Variants in PRKCE observed in about 807,000 individuals in gnomAD.
The protein encoded by PRKCE is protein kinase C epsilon type.
A neutral mutation model predicts 85.4 loss-of-function variants in PRKCE; 16 were observed. That is an observed-to-expected ratio of 0.19 (90% CI 0.13 to 0.28). The LOEUF (loss-of-function observed/expected upper bound fraction) is 0.28. Ranked by LOEUF, PRKCE falls within the 10% of genes least tolerant of loss-of-function variation. PRKCE has a pLI of 1.00. For synonymous variants in PRKCE, 388 were observed against 371.5 expected (o/e 1.04, Z -0.51); for missense variants, 573 against 975.2 (o/e 0.59, Z 5.49).
At chr2:46,002,406 T>C (rs896582461) in intron 7 of PRKCE, among the ~76,000 whole-genome samples, 1 of 152,208 alleles carries the variant, frequency 6.6e-6, no homozygotes, top group African/African-American at 2.4e-5. Context: ...TCTGCAATCT[T>C]CCGCCTAAAT....
chr2:46,043,101 A>G (rs1574314802), intron 10 of PRKCE, among the ~76,000 whole-genome samples: 2 of 87,786 alleles, frequency 2.3e-5, no homozygotes, highest in East Asian at 4.6e-4. Flanking sequence ...CTTCAGAAAA[A>G]CAGTTTTTTT....
Position 46,184,783 on chromosome 2 carries a change from G to C in PRKCE, c.2116G>C (p.Glu706Gln). Residue 706 changes from glutamate (E) to glutamine (Q), a missense_variant, in exon 15 of 15, where the codon GAG (glutamate) becomes CAG (glutamine). Physicochemically the swap from Glu to Gln is conservative, Grantham distance 29. Around this residue, in one of 11 missense-constraint regions of PRKCE, gnomAD observed 45 missense variants for 39.1 expected, o/e 1.15. Coordinates refer to ENST00000306156, the MANE Select transcript of PRKCE (RefSeq NM_005400.3). The surrounding 1 kb of genome is among the most constrained non-coding windows in gnomAD (Gnocchi z 5.0). The part of the protein sequence containing the change: ...NNFDQDFTRE[E>Q]PVLTLVDEAI... Reference sequence around the variant, plus strand: ...TTTTGACCAAGACTTTACCCGGGAAGAGCCGGTACTCACCCTTGTGGACGA... The same window carrying C: ...TTTTGACCAAGACTTTACCCGGGAACAGCCGGTACTCACCCTTGTGGACGA... The C allele has an allele frequency of 6.3e-7, 1 of 1,599,774 alleles. No individual in the cohort carries two copies. The highest frequency in any genetic ancestry group is 1.1e-5 in the South Asian group (1 of 91,090).
chr2:46,126,943 T>G (rs1000028228), intron 11 of PRKCE, among the ~76,000 whole-genome samples: 1 of 152,210 alleles, frequency 6.6e-6, no homozygotes, highest in African/African-American at 2.4e-5. Context: ...GTTAACAGAC[T>G]TGTCCTAGGT....
chr2:46,039,791 G>T (rs1259359191), intron 10 of PRKCE, among the ~76,000 whole-genome samples: 1 of 152,122 alleles, frequency 6.6e-6, no homozygotes, highest in African/African-American at 2.4e-5. Context: ...TTAGACACAG[G>T]CTCAGCCTCT....
At chr2:46,057,972 A>G (rs1666755737) in intron 10 of PRKCE, among the ~76,000 whole-genome samples, 1 of 152,246 alleles carries the variant, frequency 6.6e-6, no homozygotes, top group African/African-American at 2.4e-5. Flanking sequence ...TGCCGGCCAC[A>G]AAGAGAATGC....
chr2:46,048,945 G>A (rs976245460), intron 10 of PRKCE, among the ~76,000 whole-genome samples: 11 of 152,136 alleles, frequency 7.2e-5, no homozygotes, highest in Non-Finnish European at 1.6e-4. Flanking sequence ...AGTTGGCCTG[G>A]AGTGTAGAGA....
At chr2:45,753,126 A>C (rs1262724531) in intron 1 of PRKCE, among the ~76,000 whole-genome samples, 1 of 152,156 alleles carries the variant, frequency 6.6e-6, no homozygotes, top group Non-Finnish European at 1.5e-5. Context: ...TCGTGTGTTT[A>C]ACAGGCTCAG....
chr2:45,860,069 T>C (rs1693020114), intron 2 of PRKCE, among the ~76,000 whole-genome samples: 1 of 152,128 alleles, frequency 6.6e-6, no homozygotes, highest in Non-Finnish European at 1.5e-5. Flanking sequence ...TAAACTAGTA[T>C]CAGTTTGTTT....
intron 1 of PRKCE, among the ~76,000 whole-genome samples, chr2:45,661,088 A>G (rs1200618933): frequency 6.6e-6 from 1 of 152,202 alleles, no homozygotes; most frequent in East Asian, 1.9e-4. Flanking sequence ...GTTTTATGTT[A>G]GTGAAAAGTC....
At chr2:45,837,615 G>T (rs1299333783) in intron 1 of PRKCE, among the ~76,000 whole-genome samples, 1 of 152,178 alleles carries the variant, frequency 6.6e-6, no homozygotes, top group East Asian at 1.9e-4. Context: ...ACAGACATAG[G>T]TGTGAATGGC....
chr2:45,748,467 A>G (rs988789172), intron 1 of PRKCE, among the ~76,000 whole-genome samples: 7 of 152,232 alleles, frequency 4.6e-5, no homozygotes, highest in Admixed American at 3.3e-4. Context: ...ATTTCATTAA[A>G]GAAACGCCTG....
intron 2 of PRKCE, among the ~76,000 whole-genome samples, chr2:45,946,397 G>A (rs1253344682): frequency 2.6e-5 from 4 of 152,360 alleles, no homozygotes; most frequent in Middle Eastern, 3.4e-3. Flanking sequence ...ACCTTGGGAT[G>A]TGCTGGCTCA....
intron 9 of PRKCE, among the ~76,000 whole-genome samples, chr2:46,009,404 C>G (rs556060645): frequency 6.6e-6 from 1 of 152,130 alleles, no homozygotes; most frequent in South Asian, 2.1e-4. Context: ...ATAATTTACA[C>G]GAAAAGAAAT....
chr2:45,657,682 C>G (rs949588787), intron 1 of PRKCE, among the ~76,000 whole-genome samples: 3 of 152,162 alleles, frequency 2.0e-5, no homozygotes, highest in Non-Finnish European at 4.4e-5. Flanking sequence ...CTAGAAGTGT[C>G]ATTTCTGGTT....
chr2:46,027,889 G>A (rs1461194104), intron 10 of PRKCE, among the ~76,000 whole-genome samples: 3 of 152,100 alleles, frequency 2.0e-5, no homozygotes, highest in East Asian at 3.9e-4. Context: ...AGAACTGCTG[G>A]CCCACCTTCC....
intron 1 of PRKCE, among the ~76,000 whole-genome samples, chr2:45,762,075 A>G (rs980937784): frequency 1.3e-5 from 2 of 152,148 alleles, no homozygotes; most frequent in African/African-American, 4.8e-5. Flanking sequence ...GCCACTCTCT[A>G]GGGGAGTAGC....
At chr2:45,671,028 A>G (rs949871519) in intron 1 of PRKCE, among the ~76,000 whole-genome samples, 2 of 152,304 alleles carry the variant, frequency 1.3e-5, no homozygotes, top group Admixed American at 1.3e-4. Flanking sequence ...ATGCCCTGTA[A>G]TACAAGGCGG....
chr2:46,010,975 A>G (rs1472323775), intron 10 of PRKCE: 3 of 1,380,458 alleles, frequency 2.2e-6, no homozygotes, highest in East Asian at 5.2e-5. Context: ...TTAAAATTTC[A>G]TAGTGAAACA....
At chr2:45,959,927 T>G (rs1211454346) in intron 2 of PRKCE, among the ~76,000 whole-genome samples, 1 of 152,210 alleles carries the variant, frequency 6.6e-6, no homozygotes, top group Admixed American at 6.5e-5. Context: ...TTTGTTTGTT[T>G]ACTAGCAGTC....
Sources: allele counts gnomAD v4.1 joint callset (sites outside exome capture counted in the v4.1 genomes callset), GRCh38; gene constraint gnomAD v4.1.1; regional missense constraint gnomAD v4.1.1; non-coding constraint Gnocchi (gnomAD v3.1); transcripts MANE v1.5; gene names NCBI Gene and HGNC (gene_info 2026-07-23, HGNC 2026-07-21).